The following ZNF701 variants were observed in gnomAD, a reference collection of about 807,000 sequenced individuals.
ZNF701 encodes zinc finger protein 701.
Under a neutral mutation model 7.1 loss-of-function variants are expected in ZNF701, and 6 were observed. That is an observed-to-expected ratio of 0.84 (90% confidence interval 0.46 to 1.66). The LOEUF is 1.66. Among genes scored for constraint, ZNF701 ranks in the 40% most tolerant of loss-of-function variants. ZNF701 has a pLI of 0.01. For missense variants in ZNF701, 541 were observed against 559.2 expected (o/e 0.97, Z 0.33); for synonymous variants, 166 against 188.2 (o/e 0.88, Z 0.97).
chr19:52,583,748 A>G lies in ZNF701; in HGVS notation c.*291A>G, dbSNP rs1007346031. On this transcript the variant is annotated 3_prime_UTR_variant, in exon 4 of 4. Transcript: ENST00000391785. ...GCAGAGCCTTTGGTGGTCAGTCAACACTTACTCACCATCAAGCAATCCATG... is the reference window on the plus strand; with the variant it reads ...GCAGAGCCTTTGGTGGTCAGTCAACGCTTACTCACCATCAAGCAATCCATG... 4 of 690,022 alleles carry G rather than the reference A, an allele frequency of 5.8e-6. No homozygotes were observed. Among genetic ancestry groups the G allele is most frequent in the Admixed American group, 2.2e-5 (1 of 46,080 alleles). The allele number at this position is 690,022 out of a possible 1,614,324, so 42.7% of individuals were successfully genotyped here. A position where few individuals can be genotyped will look rare whatever the true frequency, so the allele number is the denominator to read the frequency against.
At position 52,584,684 on chromosome 19, in the gene ZNF701, C is replaced by T. The variant is rs1250321160; in HGVS notation, c.*1227C>T. ...CTAAGTATTTCTTACTTTAAGATCT[C>T]TAGCAAATGGAAGTGTTTTTTAATT... On this transcript the variant is annotated 3_prime_UTR_variant, in exon 4 of 4. Transcript: ENST00000391785. The T allele has an allele frequency of 6.6e-6, 1 of 152,142 alleles. No individual in the cohort carries two copies. Among genetic ancestry groups the T allele is most frequent in the Non-Finnish European group, 1.5e-5 (1 of 68,026 alleles). The allele number at this position is 152,142 out of a possible 1,614,324, so 9.4% of individuals were successfully genotyped here.
chr19:52,589,670 G>T (rs185918770), downstream of ZNF701, among the ~76,000 whole-genome samples: 1 of 152,164 alleles, frequency 6.6e-6, no homozygotes, highest in South Asian at 2.1e-4. Context: ...AAGAGAGATG[G>T]TGTTTCACCA....
rs2059889200 is a variant in ZNF701 at position 52,570,305 on chromosome 19, C to G, written c.-97C>G. ...TCCGCGCAGACCAGGAAGCGGATCC[C>G]GTGGAGTGAAGGTCGCACCGCGGCG... On this transcript the variant is annotated 5_prime_UTR_variant, in exon 1 of 4. Transcript: ENST00000391785. The G allele has an allele frequency of 6.5e-6, 1 of 154,170 alleles. No homozygotes were observed. The highest frequency in any genetic ancestry group is 6.5e-5 in the Admixed American group (1 of 15,294). 9.6% of individuals were successfully genotyped at this position (154,170 alleles called of 1,614,324 possible).
intron 3 of ZNF701, among the ~76,000 whole-genome samples, chr19:52,579,257 T>C (rs1216155426): frequency 7.1e-6 from 1 of 141,200 alleles, no homozygotes; most frequent in Non-Finnish European, 1.5e-5. Flanking sequence ...CCAGGCGCGG[T>C]GGCTCACGCC....
At chr19:52,596,340 A>G in the ZNF701 span, 5 of 401,152 alleles carry the variant, frequency 1.2e-5, no homozygotes, top group Admixed American at 3.5e-5. Context: ...CAGTGTCATC[A>G]TAGACTTCAT....
chr19:52,574,268 T>C, intron 2 of ZNF701, 106 bp downstream of exon 2: 1 of 1,525,934 alleles, frequency 6.6e-7, no homozygotes, highest in East Asian at 2.3e-5. Flanking sequence ...CTGACAGGTT[T>C]GCTCACACTC....
rs1473063270 is a variant in ZNF701 at position 52,585,618 on chromosome 19, C to T, written c.*2161C>T. On this transcript the variant is annotated 3_prime_UTR_variant, in exon 4 of 4. Coordinates refer to ENST00000391785, the MANE Select transcript of ZNF701 (RefSeq NM_018260.3). The stretch of plus-strand genomic sequence containing the variant: ...CGGCGAAAGCAGAAATTTACTCAAC[C>T]AAGAAAGCACCCCACAGGGTGGGGG... 6.6e-6 allele frequency: 1 copy of T among 151,650 alleles called. No individual in the cohort carries two copies. Among genetic ancestry groups the T allele is most frequent in the African/African-American group, 2.4e-5 (1 of 41,298 alleles). 9.4% of individuals were successfully genotyped at this position (151,650 alleles called of 1,614,324 possible).
At position 52,583,665 on chromosome 19, in the gene ZNF701, C is replaced by T. The variant is rs62117248; in HGVS notation, c.*208C>T. Reference sequence around the variant, plus strand: ...CAAGGATTTCGGGTGTGATTCACACCTGGCCCAACATACTGGAATTCACAC... The same window carrying T: ...CAAGGATTTCGGGTGTGATTCACACTTGGCCCAACATACTGGAATTCACAC... On this transcript the variant is annotated 3_prime_UTR_variant, in exon 4 of 4. Transcript: ENST00000391785. 172,419 of 1,030,786 alleles carry T rather than the reference C, an allele frequency of 0.17. 15,528 individuals are homozygous for T. Among genetic ancestry groups the T allele is most frequent in the Middle Eastern group, 0.24 (1,169 of 4,892 alleles). 63.9% of individuals were successfully genotyped at this position (1,030,786 alleles called of 1,614,324 possible). A position where few individuals can be genotyped will look rare whatever the true frequency, so the allele number is the denominator to read the frequency against.
chr19:52,570,804 C>G (rs1262913386), intron 1 of ZNF701: 1 of 152,386 alleles, frequency 6.6e-6, no homozygotes, highest in Non-Finnish European at 1.5e-5. Flanking sequence ...CTGGGCCTTG[C>G]TGCACCCCAA....
chr19:52,590,254 C>G (rs2060031934), downstream of ZNF701, among the ~76,000 whole-genome samples: 1 of 151,402 alleles, frequency 6.6e-6, no homozygotes, highest in African/African-American at 2.4e-5. Context: ...GAGCTCACCA[C>G]CACAACCAGC....
At chr19:52,577,302 G>T (rs543088870) in intron 3 of ZNF701, among the ~76,000 whole-genome samples, 2 of 152,188 alleles carry the variant, frequency 1.3e-5, no homozygotes, top group South Asian at 2.1e-4. Flanking sequence ...GTTTCACCAT[G>T]TTGGCCAGCC....
At chr19:52,592,044 G>A (rs1038130028), downstream of ZNF701, 2 of 672,292 alleles carry the variant, frequency 3.0e-6, no homozygotes, top group South Asian at 1.9e-5. Flanking sequence ...CTCATTTCAT[G>A]TGAAGGTGAT....
chr19:52,595,681 T>C, the ZNF701 span: 611,656 of 1,361,978 alleles, frequency 0.45, 137,297 homozygotes, highest in Middle Eastern at 0.53. Flanking sequence ...GAGAAGTGAT[T>C]CACACAGGGA....
the ZNF701 span, chr19:52,592,319 A>C: frequency 7.6e-7 from 1 of 1,312,754 alleles, no homozygotes; most frequent in Non-Finnish European, 1.1e-6. Flanking sequence ...ATGTTGCCCC[A>C]TACATGCTTT....
downstream of ZNF701, among the ~76,000 whole-genome samples, chr19:52,591,460 T>C (rs2060036465): frequency 6.6e-6 from 1 of 152,120 alleles, no homozygotes; most frequent in Non-Finnish European, 1.5e-5. Context: ...GGATTACAGG[T>C]GTGAGCCCCA....
chr19:52,577,014 A>G (rs1195237245), intron 3 of ZNF701, among the ~76,000 whole-genome samples: 1 of 152,208 alleles, frequency 6.6e-6, no homozygotes, highest in African/African-American at 2.4e-5. Context: ...AAGTGGGAGA[A>G]TTCTGTTGGA....
At chr19:52,572,733 G>A (rs1251735958) in intron 1 of ZNF701, 3 of 356,650 alleles carry the variant, frequency 8.4e-6, no homozygotes, top group Non-Finnish European at 1.6e-5. Flanking sequence ...CAGGACAAAA[G>A]CCCAACTCCT....
Position 52,574,106 on chromosome 19 carries a change from G to GA in ZNF701, c.-36dup. Reference sequence around the variant, plus strand: ...GACTTCTAAAGACTTGGTACGTGAGGAAAAAACACGGAAGAGGAAGAGGAA... The same window carrying GA: ...GACTTCTAAAGACTTGGTACGTGAGGAAAAAAACACGGAAGAGGAAGAGGAA... On this transcript the variant is annotated 5_prime_UTR_variant, in exon 2 of 4. Coordinates refer to ENST00000391785, the MANE Select transcript of ZNF701 (RefSeq NM_018260.3). 4 of 1,612,164 alleles carry GA rather than the reference G, an allele frequency of 2.5e-6. No homozygotes were observed. The highest frequency in any genetic ancestry group is 1.7e-4 in the Middle Eastern group (1 of 6,058).
At chr19:52,595,280 T>C in the ZNF701 span, among the ~76,000 whole-genome samples, 3 of 151,870 alleles carry the variant, frequency 2.0e-5, no homozygotes, top group African/African-American at 7.3e-5. Context: ...ATCTGTACTT[T>C]TTTTTTTGAG....
Sources: gnomAD v4.1 joint callset for allele counts (sites outside exome capture counted in the v4.1 genomes callset) on GRCh38, gnomAD v4.1.1 for gene constraint, MANE v1.5 for transcripts, NCBI Gene and HGNC (gene_info 2026-07-23, HGNC 2026-07-21) for gene names.